FAM241A: variants seen among roughly 807,000 people sequenced by gnomAD.
FAM241A encodes uncharacterized protein FAM241A.
FAM241A carries 7 observed loss-of-function variants against 12.2 expected under a neutral mutation model. The observed-to-expected ratio is 0.58, with a 90% CI of 0.33 to 1.08. FAM241A has a LOEUF of 1.08. FAM241A is among the 50% of genes least tolerant of loss of function. FAM241A has a pLI of 0.04. For missense variants in FAM241A, 161 were observed against 169.7 expected (o/e 0.95, Z 0.29); for synonymous variants, 74 against 68.2 (o/e 1.08, Z -0.42).
rs1292714751 is a variant in FAM241A at position 112,191,920 on chromosome 4, A to G, written c.*4982A>G. The G allele has an allele frequency of 6.6e-6, 1 of 152,184 alleles. No homozygotes were observed. Among genetic ancestry groups the G allele is most frequent in the Non-Finnish European group, 1.5e-5 (1 of 68,036 alleles). 9.4% of individuals were successfully genotyped at this position (152,184 alleles called of 1,614,324 possible). On this transcript the variant is annotated 3_prime_UTR_variant, in exon 2 of 2. Coordinates refer to ENST00000309733, the MANE Select transcript of FAM241A (RefSeq NM_152400.3). ...TATAATTGCATTGCTAGTGCCTAAC[A>G]CAATGCCTGGGACATAATAGGCCAT...
chr4:112,192,182 A>C lies in FAM241A; in HGVS notation c.*5244A>C, dbSNP rs1020887165. 2.6e-5 allele frequency: 4 copies of C among 152,300 alleles called. No individual in the cohort carries two copies. In the East Asian group the frequency reaches 7.7e-4, roughly 29 times the overall value. The allele number at this position is 152,300 out of a possible 1,614,324, so 9.4% of individuals were successfully genotyped here. A position where few individuals can be genotyped will look rare whatever the true frequency, so the allele number is the denominator to read the frequency against. On this transcript the variant is annotated 3_prime_UTR_variant, in exon 2 of 2. Coordinates refer to ENST00000309733, the MANE Select transcript of FAM241A (RefSeq NM_152400.3). The stretch of plus-strand genomic sequence containing the variant: ...CAGTATTTCCACTATACACTTGTGT[A>C]TTTTAGGAGAAAATGTATTTTCAAT...
chr4:112,154,099 T>C (rs1723303078), intron 1 of FAM241A, among the ~76,000 whole-genome samples: 1 of 152,206 alleles, frequency 6.6e-6, no homozygotes, highest in Non-Finnish European at 1.5e-5. Flanking sequence ...TCCATCAGTC[T>C]GACTGAATTG....
chr4:112,169,864 T>A (rs564334001), intron 1 of FAM241A, among the ~76,000 whole-genome samples: 1 of 152,354 alleles, frequency 6.6e-6, no homozygotes, highest in South Asian at 2.1e-4. Flanking sequence ...TGTATTGTCA[T>A]GTATTTGTTT....
chr4:112,157,363 CAAA>C (rs1723375447), intron 1 of FAM241A, among the ~76,000 whole-genome samples: 1 of 152,014 alleles, frequency 6.6e-6, no homozygotes, highest in East Asian at 1.9e-4. Flanking sequence ...TAAAATAACT[CAAA>C]GACCATGAAG....
rs1348939207 is a variant in FAM241A at position 112,194,187 on chromosome 4, T to C, written c.*7249T>C. Reference sequence around the variant, plus strand: ...TGTATAAGAATGCTTGTGATTTTTGTACATTGATTTTGTATCCTGAGACTT... The same window carrying C: ...TGTATAAGAATGCTTGTGATTTTTGCACATTGATTTTGTATCCTGAGACTT... On this transcript the variant is annotated 3_prime_UTR_variant, in exon 2 of 2. Coordinates refer to ENST00000309733, the MANE Select transcript of FAM241A (RefSeq NM_152400.3). 4 of 142,174 alleles carry C rather than the reference T, an allele frequency of 2.8e-5. No homozygotes were observed. The highest frequency in any genetic ancestry group is 7.1e-5 in the Admixed American group (1 of 14,090). The allele number at this position is 142,174 out of a possible 1,614,324, so 8.8% of individuals were successfully genotyped here.
intron 1 of FAM241A, among the ~76,000 whole-genome samples, chr4:112,154,927 A>G (rs1250143838): frequency 2.0e-5 from 3 of 152,068 alleles, no homozygotes; most frequent in Non-Finnish European, 4.4e-5. Flanking sequence ...CCAGCTACTC[A>G]GGAGGCTGAG....
rs1051346879 is a variant in FAM241A at position 112,194,940 on chromosome 4, A to T, written c.*8002A>T. On this transcript the variant is annotated 3_prime_UTR_variant, in exon 2 of 2. Coordinates refer to ENST00000309733, the MANE Select transcript of FAM241A (RefSeq NM_152400.3). ...TACAGGCACATGCTGGCATGCCTGTATTTTTGTATTTTTAGTAGAGACGGG... is the reference window on the plus strand; with the variant it reads ...TACAGGCACATGCTGGCATGCCTGTTTTTTTGTATTTTTAGTAGAGACGGG... 6.6e-6 allele frequency: 1 copy of T among 151,970 alleles called. No homozygotes were observed. The highest frequency in any genetic ancestry group is 1.9e-4 in the East Asian group (1 of 5,180). The allele number at this position is 151,970 out of a possible 1,614,324, so 9.4% of individuals were successfully genotyped here.
intron 1 of FAM241A, among the ~76,000 whole-genome samples, chr4:112,151,844 A>G (rs1723250454): frequency 6.6e-6 from 1 of 152,190 alleles, no homozygotes; most frequent in Non-Finnish European, 1.5e-5. Flanking sequence ...GTTTCCGAAC[A>G]CCAAAGCTAG....
chr4:112,192,917 G>A lies in FAM241A; in HGVS notation c.*5979G>A, dbSNP rs1578383431. The A allele has an allele frequency of 2.0e-5, 3 of 150,204 alleles. No homozygotes were observed. In the South Asian group the frequency reaches 6.3e-4, roughly 31 times the overall value. The allele number at this position is 150,204 out of a possible 1,614,324, so 9.3% of individuals were successfully genotyped here. On this transcript the variant is annotated 3_prime_UTR_variant, in exon 2 of 2. Transcript: ENST00000309733. ...TCTAGTTCTAGATTCCTGAGGAATC[G>A]CCACACTGACTTCCACAATGGTTGA...
intron 1 of FAM241A, among the ~76,000 whole-genome samples, chr4:112,170,617 G>A (rs931416311): frequency 5.3e-5 from 8 of 152,128 alleles, no homozygotes; most frequent in Admixed American, 1.3e-4. Flanking sequence ...GTCATGTCCC[G>A]AGCAGGATGG....
chr4:112,190,457 G>A lies in FAM241A; in HGVS notation c.*3519G>A, dbSNP rs1322671178. The A allele has an allele frequency of 6.6e-6, 1 of 151,520 alleles. No individual in the cohort carries two copies. Among genetic ancestry groups the A allele is most frequent in the African/African-American group, 2.4e-5 (1 of 41,244 alleles). The allele number at this position is 151,520 out of a possible 1,614,324, so 9.4% of individuals were successfully genotyped here. On this transcript the variant is annotated 3_prime_UTR_variant, in exon 2 of 2. Transcript: ENST00000309733. ...GGACAGCACTTTGGGAGGCCGAAGC[G>A]GGCGGATCACCTGAGGTCGGGAGTT...
At chr4:112,171,065 C>T (rs1175900145) in intron 1 of FAM241A, 1 of 223,480 alleles carries the variant, frequency 4.5e-6, no homozygotes, top group Non-Finnish European at 9.0e-6. Flanking sequence ...GTAAGTATGA[C>T]AATTGAGACC....
At chr4:112,176,429 TGA>T (rs1483741495) in intron 1 of FAM241A, among the ~76,000 whole-genome samples, 4 of 152,230 alleles carry the variant, frequency 2.6e-5, no homozygotes, top group African/African-American at 9.6e-5. Context: ...GTGAAGAAAC[TGA>T]GAGTCAGTGG....
At chr4:112,175,224 A>C (rs1301477695) in intron 1 of FAM241A, among the ~76,000 whole-genome samples, 1 of 152,184 alleles carries the variant, frequency 6.6e-6, no homozygotes, top group Non-Finnish European at 1.5e-5. Context: ...TACTTAAATT[A>C]TGTCAATGAA....
intron 1 of FAM241A, among the ~76,000 whole-genome samples, chr4:112,152,935 A>G (rs537155115): frequency 3.9e-5 from 6 of 152,290 alleles, no homozygotes; most frequent in African/African-American, 1.2e-4. Context: ...TGCCTAACAC[A>G]TGGAGGCACT....
chr4:112,168,413 AATC>A (rs1183129852), intron 1 of FAM241A, among the ~76,000 whole-genome samples: 1 of 152,242 alleles, frequency 6.6e-6, no homozygotes, highest in Non-Finnish European at 1.5e-5. Context: ...CAAAGAAAAA[AATC>A]AGCCAAGTCA....
At chr4:112,185,961 CA>C (rs1049416751) in intron 1 of FAM241A, among the ~76,000 whole-genome samples, 1 of 152,160 alleles carries the variant, frequency 6.6e-6, no homozygotes, top group African/African-American at 2.4e-5. Flanking sequence ...CAGAGCCTAA[CA>C]GGGAGACAGA....
rs1724173993 is a variant in FAM241A at position 112,191,952 on chromosome 4, A to G, written c.*5014A>G. The G allele has an allele frequency of 6.6e-6, 1 of 152,176 alleles. No individual in the cohort carries two copies. The highest frequency in any genetic ancestry group is 6.5e-5 in the Admixed American group (1 of 15,278). 9.4% of individuals were successfully genotyped at this position (152,176 alleles called of 1,614,324 possible). The stretch of plus-strand genomic sequence containing the variant: ...CTGGGACATAATAGGCCATCAAAAT[A>G]TTTATCAAGTAAACCCACTTCATCT... On this transcript the variant is annotated 3_prime_UTR_variant, in exon 2 of 2. Transcript: ENST00000309733.
At chr4:112,164,776 A>G (rs1293182356) in intron 1 of FAM241A, among the ~76,000 whole-genome samples, 1 of 152,208 alleles carries the variant, frequency 6.6e-6, no homozygotes, top group East Asian at 1.9e-4. Flanking sequence ...TAATAATTCA[A>G]TTTTAACATG....
Sources: allele counts gnomAD v4.1 joint callset (sites outside exome capture counted in the v4.1 genomes callset), GRCh38; gene constraint gnomAD v4.1.1; transcripts MANE v1.5; gene names NCBI Gene and HGNC (gene_info 2026-07-23, HGNC 2026-07-21).